ELP4: variants seen among roughly 807,000 people sequenced by gnomAD.
The protein encoded by ELP4 is elongator acetyltransferase complex subunit 4, also known as elongator complex protein 4.
Under a neutral mutation model 48.9 loss-of-function variants are expected in ELP4, and 51 were observed. That is an observed-to-expected ratio of 1.04 (90% CI 0.83 to 1.32). The LOEUF (loss-of-function observed/expected upper bound fraction) is 1.32. ELP4 is among the 40% of genes most tolerant of loss of function. The pLI, the probability that ELP4 is intolerant of heterozygous loss-of-function variation, is 0.00. For synonymous variants in ELP4, 210 were observed against 189.2 expected (o/e 1.11, Z -0.90); for missense variants, 519 against 514.6 (o/e 1.01, Z -0.08).
At chr11:31,619,327 GTA>G (rs965226241) in intron 5 of ELP4, among the ~76,000 whole-genome samples, 2 of 151,928 alleles carry the variant, frequency 1.3e-5, no homozygotes, top group African/African-American at 4.8e-5. Context: ...AGAAGACAGA[GTA>G]TATATTTGGC....
At chr11:31,755,360 T>G (rs1214903566) in intron 9 of ELP4, among the ~76,000 whole-genome samples, 1 of 152,150 alleles carries the variant, frequency 6.6e-6, no homozygotes, top group Non-Finnish European at 1.5e-5. Context: ...TGGGTAGAAA[T>G]TTGAGCAAGG....
At chr11:31,693,806 C>G (rs1946335789) in intron 9 of ELP4, among the ~76,000 whole-genome samples, 1 of 152,224 alleles carries the variant, frequency 6.6e-6, no homozygotes, top group South Asian at 2.1e-4. Context: ...TATTTCTCCA[C>G]ATCTTCTCCA....
At chr11:31,557,090 T>G (rs1305090413) in intron 3 of ELP4, among the ~76,000 whole-genome samples, 2 of 151,920 alleles carry the variant, frequency 1.3e-5, no homozygotes, top group African/African-American at 4.8e-5. Flanking sequence ...TCATATTTTA[T>G]GAATTGATGC....
intron 9 of ELP4, among the ~76,000 whole-genome samples, chr11:31,675,200 G>C (rs1467929181): frequency 6.6e-6 from 1 of 152,150 alleles, no homozygotes; most frequent in Non-Finnish European, 1.5e-5. Flanking sequence ...GTGGCAGATT[G>C]AATGGGCAGA....
chr11:31,736,771 A>G (rs1252218767), intron 9 of ELP4, among the ~76,000 whole-genome samples: 1 of 152,248 alleles, frequency 6.6e-6, no homozygotes, highest in Non-Finnish European at 1.5e-5. Flanking sequence ...TCAAAACCAC[A>G]ATGAGATACC....
rs895345566 is a variant in ELP4, at chr11:31,604,045, C to T, written c.653+138C>T. On this transcript the variant is annotated intron_variant, in intron 5 of 9. Coordinates refer to ENST00000640961, the MANE Select transcript of ELP4 (RefSeq NM_019040.5). ...TATTAGTTTTCTATATAATTTGTAA[C>T]TTCAAGTCTATGTATTTTTCATAGT... 2.9e-5 allele frequency: 18 copies of T among 619,174 alleles called. No homozygotes were observed. In the African/African-American group the frequency reaches 3.0e-4, roughly 10 times the overall value. The allele number at this position is 619,174 out of a possible 1,614,324, so 38.4% of individuals were successfully genotyped here.
chr11:31,585,996 G>A (rs1015658249), intron 3 of ELP4, among the ~76,000 whole-genome samples: 10 of 152,092 alleles, frequency 6.6e-5, no homozygotes, highest in African/African-American at 2.4e-4. Context: ...GAGGTGGGAG[G>A]ATCACTTGAG....
intron 9 of ELP4, among the ~76,000 whole-genome samples, chr11:31,714,459 C>T (rs1389571165): frequency 6.6e-6 from 1 of 152,136 alleles, no homozygotes; most frequent in Non-Finnish European, 1.5e-5. Flanking sequence ...AGAGAAATAT[C>T]ACTGTTGACT....
chr11:31,567,846 A>T (rs1376535841), intron 3 of ELP4, among the ~76,000 whole-genome samples: 1 of 152,208 alleles, frequency 6.6e-6, no homozygotes, highest in Non-Finnish European at 1.5e-5. Flanking sequence ...TATGAGCCTT[A>T]AGCAAGTTGT....
chr11:31,509,958 T>C lies in ELP4; in HGVS notation c.174T>C (p.Asn58=). 3.1e-6 allele frequency: 5 copies of C among 1,613,012 alleles called. No individual in the cohort carries two copies. The highest frequency in any genetic ancestry group is 3.4e-6 in the Non-Finnish European group (4 of 1,180,010). Residue 58 remains asparagine (N), a synonymous_variant, in exon 1 of 10, where the codon AAT becomes AAC. Coordinates refer to ENST00000640961, the MANE Select transcript of ELP4 (RefSeq NM_019040.5). The part of the protein sequence containing the change: ...SIAGTRPSVR[N]GQLLVSTGLP... ...CGGGCACGCGACCGTCGGTGCGGAA[T>C]GGACAGCTGCTGGTATCAACCGGGC...
chr11:31,743,295 A>G (rs1404714018), intron 9 of ELP4, among the ~76,000 whole-genome samples: 1 of 152,164 alleles, frequency 6.6e-6, no homozygotes, highest in African/African-American at 2.4e-5. Flanking sequence ...CACAATAATA[A>G]TGGGAGACTT....
intron 5 of ELP4, among the ~76,000 whole-genome samples, chr11:31,622,464 G>A (rs1944644232): frequency 6.6e-6 from 1 of 151,378 alleles, no homozygotes; most frequent in African/African-American, 2.4e-5. Flanking sequence ...TGTAGTTTTT[G>A]TCTGTTATTT....
intron 3 of ELP4, among the ~76,000 whole-genome samples, chr11:31,549,364 C>G (rs1386754112): frequency 4.6e-5 from 7 of 152,204 alleles, no homozygotes; most frequent in Non-Finnish European, 7.3e-5. Flanking sequence ...GACATTTATG[C>G]ACCCAAAAAA....
chr11:31,556,163 G>A (rs1003851433), intron 3 of ELP4, among the ~76,000 whole-genome samples: 1 of 151,836 alleles, frequency 6.6e-6, no homozygotes, highest in African/African-American at 2.4e-5. Flanking sequence ...CATGCCTATT[G>A]TAGTCAAAGC....
intron 9 of ELP4, among the ~76,000 whole-genome samples, chr11:31,768,711 C>T (rs796409172): frequency 3.9e-5 from 6 of 152,256 alleles, no homozygotes; most frequent in African/African-American, 1.4e-4. Context: ...AGATTAAAAG[C>T]TCCAGGAAAT....
intron 9 of ELP4, among the ~76,000 whole-genome samples, chr11:31,668,721 T>A (rs1350398581): frequency 1.1e-5 from 1 of 92,596 alleles, no homozygotes; most frequent in African/African-American, 5.5e-5. Flanking sequence ...TGTGTGTGTG[T>A]AAGAACCCTG....
In ELP4 at chr11:31,661,504, C is replaced by G. The variant is rs528046099; in HGVS notation, c.1143+11283C>G. ...AAAGTATCAAACTTTGGGAAAATAT[C>G]ATTCTTTTAGAGCATAGGTGTTATA... On this transcript the variant is annotated intron_variant, in intron 9 of 9. Transcript: ENST00000640961. Among the ~76,000 whole-genome samples, 9 of 152,116 alleles carry G rather than the reference C, an allele frequency of 5.9e-5. No individual in the cohort carries two copies. In the East Asian group the frequency reaches 1.7e-3, roughly 29 times the overall value.
chr11:31,560,736 A>ATATATATATAAAACAACT (rs1318845157), intron 3 of ELP4, among the ~76,000 whole-genome samples: 2 of 59,674 alleles, frequency 3.4e-5, no homozygotes, highest in African/African-American at 1.0e-4. Context: ...ATAAAACAAC[A>ATATATATATAAAACAACT]TTGTTTTGTA....
intron 9 of ELP4, among the ~76,000 whole-genome samples, chr11:31,731,866 C>T (rs1947196740): frequency 6.6e-6 from 1 of 151,710 alleles, no homozygotes; most frequent in African/African-American, 2.4e-5. Flanking sequence ...GATTTCATAG[C>T]AGAAACTTTG....
Sources: allele counts gnomAD v4.1 joint callset (sites outside exome capture counted in the v4.1 genomes callset), GRCh38; gene constraint gnomAD v4.1.1; transcripts MANE v1.5; gene names NCBI Gene and HGNC (gene_info 2026-07-23, HGNC 2026-07-21).